The following MBD2 variants were observed in gnomAD, a reference collection of about 807,000 sequenced individuals.
MBD2 encodes methyl-CpG binding domain protein 2.
MBD2 carries 9 observed loss-of-function variants against 39.3 expected under a neutral mutation model. That is an observed-to-expected ratio of 0.23 (90% CI 0.14 to 0.40). The LOEUF is 0.40. Ranked by LOEUF, MBD2 falls within the 10% of genes least tolerant of loss-of-function variation. The pLI is 1.00. For synonymous variants in MBD2, 233 were observed against 211.1 expected (o/e 1.10, Z -0.90); for missense variants, 458 against 532.6 (o/e 0.86, Z 1.38).
At chr18:54,214,877 C>T (rs149168221) in intron 1 of MBD2, among the ~76,000 whole-genome samples, 448 of 151,740 alleles carry the variant, frequency 3.0e-3, no homozygotes, top group African/African-American at 0.01. Flanking sequence ...GTAGCTGGGA[C>T]GACAGGCGCC....
chr18:54,166,497 T>G (rs1327247971), intron 3 of MBD2, among the ~76,000 whole-genome samples: 1 of 152,214 alleles, frequency 6.6e-6, no homozygotes, highest in Non-Finnish European at 1.5e-5. Flanking sequence ...TCACCTGGCA[T>G]GAAATTTTAA....
intron 2 of MBD2, among the ~76,000 whole-genome samples, chr18:54,203,888 G>A (rs182016951): frequency 2.6e-5 from 4 of 152,296 alleles, no homozygotes; most frequent in Admixed American, 6.5e-5. Context: ...TTTGCTAGAT[G>A]TTCTATATAA....
intron 1 of MBD2, among the ~76,000 whole-genome samples, chr18:54,221,456 T>A (rs151170970): frequency 4.6e-3 from 185 of 40,606 alleles, no homozygotes; most frequent in Non-Finnish European, 4.9e-3. Context: ...AGACTCCGTC[T>A]CAAAAAAAAA....
intron 1 of MBD2, among the ~76,000 whole-genome samples, chr18:54,219,454 T>C (rs576877039): frequency 9.9e-5 from 15 of 152,262 alleles, no homozygotes; most frequent in Non-Finnish European, 2.1e-4. Flanking sequence ...GACAGCTATG[T>C]GAGAAAGCCA....
intron 1 of MBD2, among the ~76,000 whole-genome samples, chr18:54,210,866 A>ATTT (rs74180457): frequency 1.6e-4 from 16 of 99,352 alleles, no homozygotes; most frequent in Non-Finnish European, 1.9e-4. Flanking sequence ...TCAACTTTCT[A>ATTT]TTTTTTTTTT....
chr18:54,218,872 C>A (rs917645367), intron 1 of MBD2, among the ~76,000 whole-genome samples: 9 of 150,418 alleles, frequency 6.0e-5, no homozygotes, highest in African/African-American at 2.0e-4. Flanking sequence ...TGAGGTAGGA[C>A]AATCACTTGA....
At chr18:54,201,330 A>G (rs1455753104) in intron 2 of MBD2, among the ~76,000 whole-genome samples, 2 of 152,180 alleles carry the variant, frequency 1.3e-5, no homozygotes, top group Non-Finnish European at 2.9e-5. Context: ...CCTTCTTGAT[A>G]TTTCAACGTC....
At chr18:54,185,766 A>C (rs1599089531) in intron 3 of MBD2, among the ~76,000 whole-genome samples, 1 of 152,154 alleles carries the variant, frequency 6.6e-6, no homozygotes, top group East Asian at 1.9e-4. Context: ...AGAAAAGACA[A>C]GCAATCATCA....
At chr18:54,211,093 G>A (rs963571062) in intron 1 of MBD2, among the ~76,000 whole-genome samples, 6 of 151,226 alleles carry the variant, frequency 4.0e-5, no homozygotes, top group African/African-American at 9.7e-5. Context: ...GGATGGTCTC[G>A]ATCTCCTGAC....
At chr18:54,200,787 C>T (rs1331274501) in intron 2 of MBD2, among the ~76,000 whole-genome samples, 1 of 152,032 alleles carries the variant, frequency 6.6e-6, no homozygotes, top group African/African-American at 2.4e-5. Context: ...TAAAGTAAAA[C>T]TAAAAATTGA....
chr18:54,222,627 T>G (rs1252857814), intron 1 of MBD2, among the ~76,000 whole-genome samples: 1 of 152,254 alleles, frequency 6.6e-6, no homozygotes, highest in Non-Finnish European at 1.5e-5. Flanking sequence ...CCTTCTTATG[T>G]TTAAAAGAAG....
intron 4 of MBD2, among the ~76,000 whole-genome samples, chr18:54,165,203 G>A (rs1257362808): frequency 1.3e-5 from 2 of 152,074 alleles, no homozygotes; most frequent in Non-Finnish European, 2.9e-5. Context: ...CTTTGTCTCA[G>A]GATTCAAAGA....
chr18:54,167,093 CA>C (rs11300205), intron 3 of MBD2, among the ~76,000 whole-genome samples: 114,194 of 151,432 alleles, frequency 0.75, 43,211 homozygotes, highest in East Asian at 0.98. Flanking sequence ...TTACTGCAGC[CA>C]AAAAAAAACA....
chr18:54,217,710 C>T (rs1243913515), intron 1 of MBD2, among the ~76,000 whole-genome samples: 1 of 152,184 alleles, frequency 6.6e-6, no homozygotes, highest in Non-Finnish European at 1.5e-5. Context: ...ATCTCATTAA[C>T]TAAATTTTTA....
intron 1 of MBD2, among the ~76,000 whole-genome samples, chr18:54,205,448 G>T (rs1003434903): frequency 1.3e-5 from 2 of 151,792 alleles, no homozygotes; most frequent in Non-Finnish European, 2.9e-5. Flanking sequence ...AAAATTAGCC[G>T]GGCATGGTGG....
intron 3 of MBD2, among the ~76,000 whole-genome samples, chr18:54,185,089 A>AT (rs1388949077): frequency 6.6e-6 from 1 of 151,242 alleles, no homozygotes; most frequent in Non-Finnish European, 1.5e-5. Context: ...AAGCTGATCT[A>AT]TTTTACACAC....
intron 1 of MBD2, among the ~76,000 whole-genome samples, chr18:54,222,579 C>T (rs1474911570): frequency 6.6e-6 from 1 of 152,206 alleles, no homozygotes; most frequent in East Asian, 1.9e-4. Context: ...GAGATTCTCT[C>T]GCCCCAGCCC....
At chr18:54,218,594 G>T (rs1184508336) in intron 1 of MBD2, among the ~76,000 whole-genome samples, 1 of 152,180 alleles carries the variant, frequency 6.6e-6, no homozygotes, top group Non-Finnish European at 1.5e-5. Context: ...ACAACCCCAA[G>T]CACACTACTT....
chr18:54,170,044 G>C (rs2086169038), intron 3 of MBD2, among the ~76,000 whole-genome samples: 1 of 152,210 alleles, frequency 6.6e-6, no homozygotes, highest in Non-Finnish European at 1.5e-5. Flanking sequence ...GGAATTAAAA[G>C]TCACTTAAAG....
Sources: gnomAD v4.1 joint callset for allele counts (sites outside exome capture counted in the v4.1 genomes callset) on GRCh38, gnomAD v4.1.1 for gene constraint, MANE v1.5 for transcripts, NCBI Gene and HGNC (gene_info 2026-07-23, HGNC 2026-07-21) for gene names.